Variants in MECOM observed in about 807,000 individuals in gnomAD.
MECOM encodes MDS1 and EVI1 complex locus, also known as histone-lysine N-methyltransferase MECOM.
In MECOM, 13 loss-of-function variants were observed where a neutral mutation model predicts 116.3. That is an observed-to-expected ratio of 0.11 (90% CI 0.07 to 0.18). The LOEUF (loss-of-function observed/expected upper bound fraction) is 0.18, where lower values mean the gene tolerates loss of function less well. MECOM is among the 10% of genes least tolerant of loss of function. MECOM has a pLI of 1.00. For synonymous variants in MECOM, 528 were observed against 535.2 expected (o/e 0.99, Z 0.19); for missense variants, 1,299 against 1,509.0 (o/e 0.86, Z 2.31).
intron 9 of MECOM, among the ~76,000 whole-genome samples, chr3:169,111,613 A>G (rs1047276741): frequency 6.6e-5 from 10 of 152,126 alleles, no homozygotes; most frequent in Admixed American, 1.3e-4. Flanking sequence ...ATCTTCCTAT[A>G]TAAAATTAAT....
chr3:169,190,808 C>T (rs985174288), intron 2 of MECOM, among the ~76,000 whole-genome samples: 4 of 151,928 alleles, frequency 2.6e-5, no homozygotes, highest in African/African-American at 9.7e-5. Flanking sequence ...AGCCCAGGTC[C>T]CCAGTCCACA....
intron 1 of MECOM, among the ~76,000 whole-genome samples, chr3:169,579,299 T>C (rs949125887): frequency 2.6e-5 from 4 of 152,106 alleles, no homozygotes; most frequent in South Asian, 2.1e-4. Flanking sequence ...TGAAGTAGCG[T>C]TGAATTTAGG....
intron 1 of MECOM, among the ~76,000 whole-genome samples, chr3:169,449,946 A>G (rs1439072599): frequency 6.6e-6 from 1 of 152,110 alleles, no homozygotes; most frequent in East Asian, 1.9e-4. Context: ...ACTTTTCCTT[A>G]TTCTCTCTAC....
intron 1 of MECOM, among the ~76,000 whole-genome samples, chr3:169,573,016 T>C (rs1055114462): frequency 2.6e-5 from 4 of 151,948 alleles, no homozygotes; most frequent in African/African-American, 7.3e-5. Context: ...CATTTTCAGC[T>C]GGGCAATCAA....
chr3:169,492,656 A>G (rs1753233763), intron 1 of MECOM, among the ~76,000 whole-genome samples: 1 of 152,182 alleles, frequency 6.6e-6, no homozygotes, highest in African/African-American at 2.4e-5. Flanking sequence ...TAAATGGAGT[A>G]ACCAGTAAAA....
intron 1 of MECOM, among the ~76,000 whole-genome samples, chr3:169,491,738 G>A (rs1362100055): frequency 6.6e-6 from 1 of 152,064 alleles, no homozygotes; most frequent in Non-Finnish European, 1.5e-5. Flanking sequence ...AACCTCAAGT[G>A]GATTTTAGAA....
chr3:169,609,691 C>A (rs1769018539), intron 1 of MECOM, among the ~76,000 whole-genome samples: 1 of 152,106 alleles, frequency 6.6e-6, no homozygotes, highest in Admixed American at 6.5e-5. Flanking sequence ...TCTTTTGAAT[C>A]AACAATGAAT....
intron 1 of MECOM, among the ~76,000 whole-genome samples, chr3:169,562,109 GC>G (rs1392168032): frequency 8.7e-6 from 1 of 115,118 alleles, no homozygotes; most frequent in Non-Finnish European, 1.6e-5. Flanking sequence ...TTGCTCCACT[GC>G]ACTCCAGCCT....
chr3:169,534,478 G>A (rs1425892851), intron 1 of MECOM, among the ~76,000 whole-genome samples: 2 of 151,960 alleles, frequency 1.3e-5, no homozygotes, highest in African/African-American at 4.8e-5. Flanking sequence ...ACTGTCATAA[G>A]TGTGTCATTT....
chr3:169,194,008 AATG>A (rs1408749657), intron 2 of MECOM, among the ~76,000 whole-genome samples: 3 of 152,062 alleles, frequency 2.0e-5, no homozygotes, highest in Non-Finnish European at 4.4e-5. Context: ...TGTAATGACA[AATG>A]ATTACAAAAT....
chr3:169,580,888 C>T (rs1441331811), intron 1 of MECOM, among the ~76,000 whole-genome samples: 1 of 152,154 alleles, frequency 6.6e-6, no homozygotes, highest in Admixed American at 6.5e-5. Flanking sequence ...GCTTCCTTGA[C>T]ATTTACCCCA....
In MECOM at chr3:169,419,927, C is replaced by G. The variant is rs145769303; in HGVS notation, c.38-38403G>C. ...AAATTTACAAGAAGAAAATGAACAA[C>G]CCCATCAAAAAGTGGGCAAAGGATA... On this transcript the variant is annotated intron_variant, in intron 1 of 16. Coordinates refer to ENST00000651503, the MANE Select transcript of MECOM (RefSeq NM_004991.4). Among the ~76,000 whole-genome samples the G allele has an allele frequency of 6.2e-3, 940 of 152,198 alleles. 9 individuals carry two copies. The highest frequency in any genetic ancestry group is 0.022 in the African/African-American group (905 of 41,536).
chr3:169,207,851 CCTTAGAAA>C (rs1750154585), intron 2 of MECOM, among the ~76,000 whole-genome samples: 1 of 152,130 alleles, frequency 6.6e-6, no homozygotes, highest in Middle Eastern at 3.4e-3. Flanking sequence ...ATTGGCAGTC[CCTTAGAAA>C]CTTAGAAGCA....
intron 1 of MECOM, among the ~76,000 whole-genome samples, chr3:169,644,461 T>C (rs1230391348): frequency 6.6e-6 from 1 of 152,108 alleles, no homozygotes; most frequent in African/African-American, 2.4e-5. Flanking sequence ...TTTGCCATGT[T>C]GGCCAGGCTG....
At chr3:169,402,795 T>C (rs910962522) in intron 1 of MECOM, among the ~76,000 whole-genome samples, 3 of 152,228 alleles carry the variant, frequency 2.0e-5, no homozygotes, top group African/African-American at 7.2e-5. Context: ...CTTATGTTCC[T>C]ACACTTTACG....
At chr3:169,209,429 T>C (rs1046178537) in intron 2 of MECOM, among the ~76,000 whole-genome samples, 3 of 152,148 alleles carry the variant, frequency 2.0e-5, no homozygotes, top group Non-Finnish European at 4.4e-5. Context: ...ACCTACAGAA[T>C]GGGAGAAAAT....
chr3:169,390,084 C>T (rs931547433), intron 1 of MECOM, among the ~76,000 whole-genome samples: 23 of 152,114 alleles, frequency 1.5e-4, no homozygotes, highest in African/African-American at 5.3e-4. Context: ...TTGCTGAACC[C>T]TGGAGTAACC....
At chr3:169,086,625 T>C (rs1452627460) in intron 16 of MECOM, 2 of 699,550 alleles carry the variant, frequency 2.9e-6, no homozygotes, top group East Asian at 2.7e-5. Context: ...AGGAATCACA[T>C]GCACTAACTT....
chr3:169,387,359 G>A (rs754927348), intron 1 of MECOM, among the ~76,000 whole-genome samples: 2 of 152,162 alleles, frequency 1.3e-5, no homozygotes, highest in Non-Finnish European at 2.9e-5. Context: ...TTGCAAGGCT[G>A]GCCTAAATGC....
Sources: gnomAD v4.1 joint callset for allele counts (sites outside exome capture counted in the v4.1 genomes callset) on GRCh38, gnomAD v4.1.1 for gene constraint, MANE v1.5 for transcripts, NCBI Gene and HGNC (gene_info 2026-07-23, HGNC 2026-07-21) for gene names.